Variants in NELL1 observed in about 807,000 individuals in gnomAD.
NELL1 encodes the protein protein kinase C-binding protein NELL1.
NELL1 carries 76 observed loss-of-function variants against 107.4 expected under a neutral mutation model. The ratio of observed to expected loss-of-function variants is 0.71; its 90% confidence interval spans 0.59 to 0.86. NELL1 has a LOEUF of 0.86. Ranked by LOEUF, NELL1 falls within the 40% of genes least tolerant of loss-of-function variation. The probability of loss-of-function intolerance (pLI) is 0.00; values close to 1 mark genes in which losing one functional copy is unlikely to be tolerated. For synonymous variants in NELL1, 353 were observed against 341.2 expected, an observed-to-expected ratio of 1.03 and a Z score of -0.38; for missense variants, 1,024 against 1,005.5, an observed-to-expected ratio of 1.02 and a Z score of -0.25.
In NELL1 at chr11:21,447,586, A is replaced by C. The variant is rs141303502; in HGVS notation, c.1645+76638A>C. Among the ~76,000 whole-genome samples, 19 of 152,260 alleles carry C rather than the reference A, an allele frequency of 1.2e-4. No individual in the cohort carries two copies. In the East Asian group the frequency reaches 3.5e-3, roughly 28 times the overall value. On this transcript the variant is annotated intron_variant, in intron 15 of 19. Coordinates refer to ENST00000357134, the MANE Select transcript of NELL1 (RefSeq NM_006157.5). ...GAGGCTGAGCTGGTATCCAAATTGC[A>C]AGACAAAGTCGACTTTTCTCTTCCC...
intron 4 of NELL1, among the ~76,000 whole-genome samples, chr11:20,860,534 A>G (rs933748604): frequency 2.6e-5 from 4 of 152,182 alleles, no homozygotes; most frequent in Non-Finnish European, 4.4e-5. Flanking sequence ...GTCCACCTGT[A>G]CAGGGGGTAT....
At chr11:21,178,175 A>C (rs1477204090) in intron 13 of NELL1, among the ~76,000 whole-genome samples, 3 of 151,780 alleles carry the variant, frequency 2.0e-5, no homozygotes, top group African/African-American at 4.9e-5. Context: ...AAGTACTACT[A>C]GATTTTTATG....
chr11:20,766,740 A>ATT (rs202218877), intron 2 of NELL1, among the ~76,000 whole-genome samples: 220 of 139,728 alleles, frequency 1.6e-3, no homozygotes, highest in African/African-American at 5.4e-3. Context: ...CTATTGACAT[A>ATT]TTTTTTTTTT....
chr11:20,993,277 T>C (rs1279106071), intron 12 of NELL1, among the ~76,000 whole-genome samples: 4 of 152,184 alleles, frequency 2.6e-5, no homozygotes, highest in Non-Finnish European at 5.9e-5. Flanking sequence ...GATTGCTGAG[T>C]GACACATCAT....
At chr11:21,381,987 G>A (rs1334502731) in intron 15 of NELL1, among the ~76,000 whole-genome samples, 1 of 135,404 alleles carries the variant, frequency 7.4e-6, no homozygotes, top group Non-Finnish European at 1.5e-5. Context: ...TTAACAGCAA[G>A]TTCTCACTGT....
At chr11:21,550,580 C>G (rs906721317) in intron 16 of NELL1, among the ~76,000 whole-genome samples, 18 of 152,096 alleles carry the variant, frequency 1.2e-4, no homozygotes, top group Non-Finnish European at 2.2e-4. Flanking sequence ...TTTCCCAGCA[C>G]CATTTATTAA....
intron 14 of NELL1, among the ~76,000 whole-genome samples, chr11:21,271,653 C>A (rs1316777524): frequency 6.6e-6 from 1 of 152,106 alleles, no homozygotes; most frequent in Non-Finnish European, 1.5e-5. Flanking sequence ...ATACTAAAAC[C>A]AGACAAAAAC....
intron 13 of NELL1, among the ~76,000 whole-genome samples, chr11:21,203,449 T>G (rs1590730464): frequency 1.4e-5 from 1 of 72,378 alleles, no homozygotes. Flanking sequence ...TTTTTTTTTT[T>G]GGCTTTCAAT....
chr11:20,674,672 C>A, intron 1 of NELL1: 1 of 717,002 alleles, frequency 1.4e-6, no homozygotes, highest in Non-Finnish European at 2.4e-6. Context: ...AGAGACTGGA[C>A]TGAAACTGGA....
At chr11:20,805,445 T>C (rs1001879817) in intron 3 of NELL1, among the ~76,000 whole-genome samples, 1 of 152,194 alleles carries the variant, frequency 6.6e-6, no homozygotes, top group Non-Finnish European at 1.5e-5. Context: ...TTTAATTTCT[T>C]GCTTTTAATT....
chr11:20,867,498 C>G (rs7109481), intron 4 of NELL1, among the ~76,000 whole-genome samples: 97,902 of 151,534 alleles, frequency 0.65, 33,113 homozygotes, highest in Non-Finnish European at 0.76. Flanking sequence ...AGAAGACTTG[C>G]GTTCCAGCTT....
chr11:21,310,263 C>A, intron 14 of NELL1, among the ~76,000 whole-genome samples: 1 of 152,114 alleles, frequency 6.6e-6, no homozygotes, highest in East Asian at 1.9e-4. Flanking sequence ...TACATCAATC[C>A]TAATAAATAA....
At chr11:21,173,380 C>G (rs912745814) in intron 13 of NELL1, among the ~76,000 whole-genome samples, 2 of 151,862 alleles carry the variant, frequency 1.3e-5, no homozygotes, top group Non-Finnish European at 2.9e-5. Flanking sequence ...ACAGGGCTAT[C>G]AGATTTACCA....
rs5790186 is a variant in NELL1 at position 21,440,307 on chromosome 11, T to G, written c.1645+69359T>G. On this transcript the variant is annotated intron_variant, in intron 15 of 19. Coordinates refer to ENST00000357134, the MANE Select transcript of NELL1 (RefSeq NM_006157.5). ...TGTAGTAAGTAAACAAAAGTAAGTT[T>G]TTTTTTTTTGATGACTTAGGGTCAG... is the stretch of plus-strand genomic sequence containing the variant. 3.0e-4 allele frequency among the ~76,000 whole-genome samples: 18 copies of G among 60,828 alleles called. No individual in the cohort carries two copies. In the South Asian group the frequency reaches 3.6e-3, roughly 12 times the overall value. 39.9% of individuals were successfully genotyped at this position (60,828 alleles called of 152,430 possible). A position where few individuals can be genotyped will look rare whatever the true frequency, so the allele number is the denominator to read the frequency against.
intron 2 of NELL1, among the ~76,000 whole-genome samples, chr11:20,760,179 C>T (rs1212622659): frequency 6.6e-6 from 1 of 152,226 alleles, no homozygotes; most frequent in African/African-American, 2.4e-5. Context: ...ACTTAGCTGG[C>T]CACCATGCCC....
At chr11:20,822,841 C>A (rs917071252) in intron 3 of NELL1, among the ~76,000 whole-genome samples, 5 of 152,156 alleles carry the variant, frequency 3.3e-5, no homozygotes, top group Admixed American at 2.0e-4. Context: ...ATGTGCTCAG[C>A]TTTGCTTAAA....
intron 13 of NELL1, among the ~76,000 whole-genome samples, chr11:21,152,352 T>C (rs1234621740): frequency 6.6e-6 from 1 of 152,214 alleles, no homozygotes; most frequent in Non-Finnish European, 1.5e-5. Flanking sequence ...GATATGTTTT[T>C]GCTTGACATT....
chr11:20,765,644 A>G (rs1026257208), intron 2 of NELL1, among the ~76,000 whole-genome samples: 7 of 152,152 alleles, frequency 4.6e-5, no homozygotes, highest in African/African-American at 7.2e-5. Context: ...TAAGGCAGGA[A>G]GGAGCTTGTG....
At chr11:21,107,188 G>A (rs966468132) in intron 12 of NELL1, among the ~76,000 whole-genome samples, 10 of 152,152 alleles carry the variant, frequency 6.6e-5, no homozygotes, top group Admixed American at 3.3e-4. Context: ...GGGTTCACTC[G>A]TGGTGTTGTA....
Sources: gnomAD v4.1 joint callset for allele counts (sites outside exome capture counted in the v4.1 genomes callset) on GRCh38, gnomAD v4.1.1 for gene constraint, MANE v1.5 for transcripts, NCBI Gene and HGNC (gene_info 2026-07-23, HGNC 2026-07-21) for gene names.